Variants in MYO5B observed in about 807,000 individuals in gnomAD.
MYO5B encodes myosin VB.
Under a neutral mutation model 229.3 loss-of-function variants are expected in MYO5B, and 143 were observed. The observed-to-expected ratio is 0.62, with a 90% CI of 0.54 to 0.72. The LOEUF (loss-of-function observed/expected upper bound fraction) is 0.72, where lower values mean the gene tolerates loss of function less well. Among genes scored for constraint, MYO5B ranks in the 30% least tolerant of loss-of-function variants. MYO5B has a pLI of 0.00. For synonymous variants in MYO5B, 918 were observed against 885.2 expected, an observed-to-expected ratio of 1.04 and a Z score of -0.66; for missense variants, 2,321 against 2,331.0, an observed-to-expected ratio of 1.00 and a Z score of 0.09.
At chr18:49,978,516 T>C (rs2025778247) in intron 9 of MYO5B, among the ~76,000 whole-genome samples, 1 of 151,846 alleles carries the variant, frequency 6.6e-6, no homozygotes, top group African/African-American at 2.4e-5. Flanking sequence ...CCACTCTTAC[T>C]CTCCTGTGTG....
At chr18:49,971,136 A>G (rs188158739) in intron 10 of MYO5B, among the ~76,000 whole-genome samples, 3 of 152,260 alleles carry the variant, frequency 2.0e-5, no homozygotes, top group African/African-American at 7.2e-5. Flanking sequence ...AAAACTAAAC[A>G]ACGCTTGGGT....
At chr18:49,855,177 A>C (rs891132220) in intron 30 of MYO5B, among the ~76,000 whole-genome samples, 1 of 152,246 alleles carries the variant, frequency 6.6e-6, no homozygotes, top group Non-Finnish European at 1.5e-5. Flanking sequence ...CTTGGGTTCT[A>C]GGCGAGCTGC....
intron 31 of MYO5B, among the ~76,000 whole-genome samples, chr18:49,852,574 G>A (rs1025593499): frequency 1.5e-4 from 23 of 152,094 alleles, no homozygotes; most frequent in East Asian, 1.3e-3. Context: ...AGCCATGGCC[G>A]GACTCCTGGA....
chr18:50,165,550 C>T (rs903397662), intron 1 of MYO5B, among the ~76,000 whole-genome samples: 14 of 152,092 alleles, frequency 9.2e-5, no homozygotes, highest in African/African-American at 2.4e-4. Context: ...CCAAGGCAGG[C>T]GGATCACTTA....
At chr18:49,843,570 C>T (rs1479392391) in intron 33 of MYO5B, among the ~76,000 whole-genome samples, 178 bp from the exon 34 acceptor site, 1 of 152,216 alleles carries the variant, frequency 6.6e-6, no homozygotes, top group Non-Finnish European at 1.5e-5. Context: ...CCGAGCATGC[C>T]TACCAGTAGT....
intron 1 of MYO5B, among the ~76,000 whole-genome samples, chr18:50,187,948 C>T (rs1321307107): frequency 6.6e-6 from 1 of 152,072 alleles, no homozygotes; most frequent in Non-Finnish European, 1.5e-5. Context: ...AGAAAAAGAA[C>T]ATTAGTGAAA....
At chr18:50,056,944 C>G (rs1204881605) in intron 1 of MYO5B, among the ~76,000 whole-genome samples, 4 of 152,166 alleles carry the variant, frequency 2.6e-5, no homozygotes, top group African/African-American at 9.7e-5. Flanking sequence ...TACTAAGAAA[C>G]AAATTCACAG....
Position 50,040,141 on chromosome 18 carries a change from A to G in MYO5B, c.310+2T>C. 2 of 1,614,116 alleles carry G rather than the reference A, an allele frequency of 1.2e-6. No individual in the cohort carries two copies. Among genetic ancestry groups the G allele is most frequent in the Non-Finnish European group, 1.7e-6 (2 of 1,179,998 alleles). On this transcript the variant is annotated splice_donor_variant, in intron 3 of 39. Coordinates refer to ENST00000285039, the MANE Select transcript of MYO5B (RefSeq NM_001080467.3). LOFTEE classifies it high-confidence loss of function. ...TGCAGCCAACAGATGCCCCCCACTT[A>G]CCACAGTAAGTGTAGATATGGTTGG... is the stretch of plus-strand genomic sequence containing the variant.
chr18:49,973,454 G>A (rs1450836783), intron 10 of MYO5B, among the ~76,000 whole-genome samples: 5 of 152,144 alleles, frequency 3.3e-5, no homozygotes, highest in South Asian at 2.1e-4. Flanking sequence ...TTCTTACGAC[G>A]CTTCACTTCT....
At chr18:49,902,505 G>A (rs2024852981) in intron 21 of MYO5B, 89 bp downstream of exon 21, 3 of 1,568,582 alleles carry the variant, frequency 1.9e-6, no homozygotes, top group African/African-American at 1.3e-5. Context: ...TCTTCGGCAT[G>A]TGCAGTTCCT....
At chr18:50,104,197 C>T (rs1439115269) in intron 1 of MYO5B, among the ~76,000 whole-genome samples, 2 of 93,780 alleles carry the variant, frequency 2.1e-5, no homozygotes, top group Non-Finnish European at 4.6e-5. Flanking sequence ...TTATACCTAG[C>T]GAGGAGGACA....
chr18:50,078,350 C>T (rs151132628), intron 1 of MYO5B, among the ~76,000 whole-genome samples: 100 of 152,170 alleles, frequency 6.6e-4, no homozygotes, highest in African/African-American at 2.3e-3. Context: ...CAGACAAAGG[C>T]GAGAAAGCAC....
At chr18:50,059,089 C>T (rs1287302827) in intron 1 of MYO5B, among the ~76,000 whole-genome samples, 1 of 152,180 alleles carries the variant, frequency 6.6e-6, no homozygotes, top group Non-Finnish European at 1.5e-5. Context: ...ATCAGTTTCA[C>T]CTCATTACAG....
At position 49,895,190 on chromosome 18, in the gene MYO5B, G is replaced by A; in HGVS notation, c.2812-16C>T. 6.3e-7 allele frequency: 1 copy of A among 1,594,686 alleles called. No homozygotes were observed. The highest frequency in any genetic ancestry group is 8.6e-7 in the Non-Finnish European group (1 of 1,162,836). On this transcript the variant is annotated splice_polypyrimidine_tract_variant and intron_variant, in intron 21 of 39. Coordinates refer to ENST00000285039, the MANE Select transcript of MYO5B (RefSeq NM_001080467.3). ...ACTCTTTGTTCTGTGGAGAACATCA[G>A]CAAACAAGGAGAAGGGAGAAGAAGT...
At chr18:50,015,119 CA>C (rs1175524385) in intron 4 of MYO5B, among the ~76,000 whole-genome samples, 2 of 152,188 alleles carry the variant, frequency 1.3e-5, no homozygotes, top group Non-Finnish European at 2.9e-5. Context: ...ATTCCCTCTG[CA>C]GTGGGTTCAC....
rs182652010 is a variant in MYO5B at position 50,126,164 on chromosome 18, T to C, written c.27+68603A>G. Among the ~76,000 whole-genome samples the C allele has an allele frequency of 3.9e-5, 6 of 152,352 alleles. No individual in the cohort carries two copies. The East Asian group carries it at 1.2e-3, about 29-fold the overall frequency. On this transcript the variant is annotated intron_variant, in intron 1 of 39. Transcript: ENST00000285039. Reference sequence around the variant, plus strand: ...AAATGGTAAATTGTTATGTGTATTTTACCACAACTAAAAAATGTTTAAAAG... The same window carrying C: ...AAATGGTAAATTGTTATGTGTATTTCACCACAACTAAAAAATGTTTAAAAG...
At chr18:50,047,264 C>G (rs1251292870) in intron 2 of MYO5B, among the ~76,000 whole-genome samples, 1 of 152,084 alleles carries the variant, frequency 6.6e-6, no homozygotes, top group African/African-American at 2.4e-5. Flanking sequence ...ACAACCCCAT[C>G]AAAAAGTGGG....
intron 1 of MYO5B, among the ~76,000 whole-genome samples, chr18:50,088,328 C>CT (rs1466584532): frequency 1.3e-5 from 2 of 152,162 alleles, no homozygotes; most frequent in African/African-American, 4.8e-5. Context: ...CCTCAGGAAA[C>CT]TCCACATGAC....
chr18:49,963,957 A>G (rs533738639), intron 10 of MYO5B, among the ~76,000 whole-genome samples: 1 of 152,142 alleles, frequency 6.6e-6, no homozygotes, highest in African/African-American at 2.4e-5. Flanking sequence ...GGACACCTTT[A>G]CTTAATTAAC....
Sources: allele counts gnomAD v4.1 joint callset (sites outside exome capture counted in the v4.1 genomes callset), GRCh38; gene constraint gnomAD v4.1.1; transcripts MANE v1.5; gene names NCBI Gene and HGNC (gene_info 2026-07-23, HGNC 2026-07-21).